EIPR1: variants seen among roughly 807,000 people sequenced by gnomAD.
EIPR1 encodes EARP complex and GARP complex interacting protein 1.
Under a neutral mutation model 48.1 loss-of-function variants are expected in EIPR1, and 25 were observed. That is an observed-to-expected ratio of 0.52 (90% CI 0.38 to 0.73). The LOEUF (loss-of-function observed/expected upper bound fraction) is 0.73, where lower values mean the gene tolerates loss of function less well. EIPR1 is among the 30% of genes least tolerant of loss of function. The pLI, the probability that EIPR1 is intolerant of heterozygous loss-of-function variation, is 0.00. For missense variants in EIPR1, 415 were observed against 506.2 expected (o/e 0.82, Z 1.73); for synonymous variants, 204 against 201.9 (o/e 1.01, Z -0.09).
chr2:3,214,533 T>C, intron 4 of EIPR1: 1 of 263,938 alleles, frequency 3.8e-6, no homozygotes, highest in Non-Finnish European at 7.3e-6. Flanking sequence ...GGCTATGTCC[T>C]CACATCCGTC....
At chr2:3,340,737 A>C (rs1221369636) in intron 2 of EIPR1, among the ~76,000 whole-genome samples, 1 of 152,224 alleles carries the variant, frequency 6.6e-6, no homozygotes, top group Non-Finnish European at 1.5e-5. Context: ...AGGCAAGTGC[A>C]AGAATTTTCA....
intron 3 of EIPR1, chr2:3,262,248 T>C (rs1479028506): frequency 6.6e-6 from 1 of 152,310 alleles, no homozygotes. Flanking sequence ...TATCATAATA[T>C]AGTCCAAACA....
intron 3 of EIPR1, among the ~76,000 whole-genome samples, chr2:3,287,679 T>C (rs576975257): frequency 2.0e-5 from 3 of 151,752 alleles, no homozygotes; most frequent in Non-Finnish European, 2.9e-5. Flanking sequence ...GAAAGCGCGT[T>C]CACCACGCTC....
At chr2:3,294,781 T>TAC (rs1668487867) in intron 3 of EIPR1, among the ~76,000 whole-genome samples, 1 of 58,008 alleles carries the variant, frequency 1.7e-5, no homozygotes, top group African/African-American at 6.8e-5. Context: ...ATCCTCTCTC[T>TAC]ACATACACAC....
At chr2:3,321,588 C>T (rs1669531944) in intron 3 of EIPR1, among the ~76,000 whole-genome samples, 1 of 152,224 alleles carries the variant, frequency 6.6e-6, no homozygotes, top group African/African-American at 2.4e-5. Context: ...AGCTTATTTT[C>T]ACAATGCAAA....
chr2:3,278,689 C>G (rs1667931851), intron 3 of EIPR1, among the ~76,000 whole-genome samples: 1 of 152,138 alleles, frequency 6.6e-6, no homozygotes, highest in South Asian at 2.1e-4. Flanking sequence ...CGCTTCAGGG[C>G]CCCCAGACCA....
intron 2 of EIPR1, among the ~76,000 whole-genome samples, chr2:3,345,460 AC>A (rs1410363639): frequency 6.9e-6 from 1 of 145,254 alleles, no homozygotes; most frequent in Non-Finnish European, 1.5e-5. Flanking sequence ...CCCCGTCTCT[AC>A]TAAAAATATA....
intron 4 of EIPR1, among the ~76,000 whole-genome samples, chr2:3,231,787 G>A (rs1229607038): frequency 1.3e-5 from 2 of 152,174 alleles, no homozygotes; most frequent in Non-Finnish European, 2.9e-5. Flanking sequence ...GTTCTAGCCT[G>A]TAATTTTCTC....
At chr2:3,243,586 G>A (rs964374960) in intron 4 of EIPR1, among the ~76,000 whole-genome samples, 12 of 152,062 alleles carry the variant, frequency 7.9e-5, no homozygotes, top group South Asian at 2.1e-4. Context: ...AGCCGAGATC[G>A]CGCCACTGCA....
intron 4 of EIPR1, among the ~76,000 whole-genome samples, chr2:3,238,444 ATGC>A (rs1666486948): frequency 6.6e-6 from 1 of 152,050 alleles, no homozygotes; most frequent in Admixed American, 6.5e-5. Flanking sequence ...CCCTGTGGGG[ATGC>A]TGATTGTTCT....
At chr2:3,223,582 C>T (rs1176929466) in intron 4 of EIPR1, among the ~76,000 whole-genome samples, 1 of 152,182 alleles carries the variant, frequency 6.6e-6, no homozygotes, top group Non-Finnish European at 1.5e-5. Flanking sequence ...TCAGTGAAGA[C>T]TGGTTCACCC....
chr2:3,357,398 C>G (rs1670755038), intron 1 of EIPR1, among the ~76,000 whole-genome samples: 1 of 152,194 alleles, frequency 6.6e-6, no homozygotes, highest in South Asian at 2.1e-4. Flanking sequence ...TTAAAGCAAA[C>G]TAAATATGGC....
chr2:3,281,353 G>A (rs1043854968), intron 3 of EIPR1, among the ~76,000 whole-genome samples: 4 of 152,076 alleles, frequency 2.6e-5, no homozygotes, highest in African/African-American at 7.2e-5. Context: ...AACATAGGGC[G>A]AGTTAGTGAG....
At chr2:3,233,531 C>A (rs1666307166) in intron 4 of EIPR1, among the ~76,000 whole-genome samples, 1 of 152,168 alleles carries the variant, frequency 6.6e-6, no homozygotes, top group African/African-American at 2.4e-5. Flanking sequence ...ACACTGGATC[C>A]CAGCCGTAAC....
chr2:3,192,793 G>C (rs1664655092), intron 7 of EIPR1, among the ~76,000 whole-genome samples: 1 of 151,860 alleles, frequency 6.6e-6, no homozygotes, highest in African/African-American at 2.4e-5. Context: ...GACAGACAGG[G>C]AAGACTAAAT....
At chr2:3,375,605 C>A (rs1352984410) in intron 1 of EIPR1, among the ~76,000 whole-genome samples, 1 of 152,070 alleles carries the variant, frequency 6.6e-6, no homozygotes, top group Non-Finnish European at 1.5e-5. Context: ...CTATGTGTAT[C>A]TAGTTAAAGA....
At chr2:3,366,987 G>A (rs1374965894) in intron 1 of EIPR1, among the ~76,000 whole-genome samples, 4 of 152,070 alleles carry the variant, frequency 2.6e-5, no homozygotes, top group Admixed American at 1.3e-4. Flanking sequence ...GGAGGTTGCA[G>A]TGAGCCAAGA....
At chr2:3,239,633 C>A (rs1410555130) in intron 4 of EIPR1, among the ~76,000 whole-genome samples, 1 of 151,834 alleles carries the variant, frequency 6.6e-6, no homozygotes, top group Non-Finnish European at 1.5e-5. Flanking sequence ...TGCTCATTAA[C>A]CCCCTTTCCA....
chr2:3,249,232 G>C (rs184145188), intron 4 of EIPR1, among the ~76,000 whole-genome samples: 2 of 152,296 alleles, frequency 1.3e-5, no homozygotes, highest in East Asian at 3.9e-4. Flanking sequence ...GGACAGTGAA[G>C]GCCTGATGAG....
Sources: gnomAD v4.1 joint callset for allele counts (sites outside exome capture counted in the v4.1 genomes callset) on GRCh38, gnomAD v4.1.1 for gene constraint, MANE v1.5 for transcripts, NCBI Gene and HGNC (gene_info 2026-07-23, HGNC 2026-07-21) for gene names.